GPC5: variants seen among roughly 807,000 people sequenced by gnomAD.
GPC5 encodes glypican-5.
In GPC5, 47 loss-of-function variants were observed where a neutral mutation model predicts 53.9. That is an observed-to-expected ratio of 0.87 (90% CI 0.69 to 1.11). The LOEUF (loss-of-function observed/expected upper bound fraction) is 1.11. Ranked by LOEUF, GPC5 falls within the 50% of genes most tolerant of loss-of-function variation. The probability of loss-of-function intolerance (pLI) is 0.00; values close to 1 mark genes in which losing one functional copy is unlikely to be tolerated. For synonymous variants in GPC5, 286 were observed against 263.3 expected (o/e 1.09, Z -0.84); for missense variants, 748 against 713.1 (o/e 1.05, Z -0.56).
At position 92,250,896 on chromosome 13, in the gene GPC5, G is replaced by T. The variant is rs77638694; in HGVS notation, c.1561+105907G>T. The stretch of plus-strand genomic sequence containing the variant: ...ATTGAAAAAAAAGGATGTTTATACC[G>T]CATGTATGAAAATGAAAGAAATCTG... On this transcript the variant is annotated intron_variant, in intron 7 of 7. Transcript: ENST00000377067. Among the ~76,000 whole-genome samples the T allele has an allele frequency of 6.4e-3, 980 of 152,090 alleles. 5 individuals are homozygous for T. The highest frequency in any genetic ancestry group is 0.022 in the African/African-American group (910 of 41,500).
At chr13:92,027,805 A>G (rs1273609800) in intron 6 of GPC5, among the ~76,000 whole-genome samples, 2 of 152,182 alleles carry the variant, frequency 1.3e-5, no homozygotes, top group Non-Finnish European at 2.9e-5. Context: ...GATAACCAGT[A>G]AGGAGTAGGT....
chr13:92,163,954 G>A (rs537344679), intron 7 of GPC5, among the ~76,000 whole-genome samples: 1 of 152,258 alleles, frequency 6.6e-6, no homozygotes, highest in South Asian at 2.1e-4. Flanking sequence ...AGGAGAGAAT[G>A]AGAGAAGTAC....
At chr13:91,816,970 G>A (rs1379372575) in intron 5 of GPC5, among the ~76,000 whole-genome samples, 1 of 152,184 alleles carries the variant, frequency 6.6e-6, no homozygotes. Context: ...TCTGTACTAA[G>A]AACACGTATT....
chr13:92,179,962 C>G (rs985736564), intron 7 of GPC5, among the ~76,000 whole-genome samples: 13 of 152,306 alleles, frequency 8.5e-5, no homozygotes, highest in Admixed American at 7.2e-4. Flanking sequence ...ACGGTTTTTA[C>G]TGTGGACAAA....
chr13:92,844,787 G>A (rs1393628593), intron 7 of GPC5, among the ~76,000 whole-genome samples: 2 of 152,042 alleles, frequency 1.3e-5, no homozygotes, highest in East Asian at 3.9e-4. Flanking sequence ...ATGGTTCCTG[G>A]AACAATACAG....
At chr13:92,278,239 T>G (rs1464097594) in intron 7 of GPC5, among the ~76,000 whole-genome samples, 3 of 151,968 alleles carry the variant, frequency 2.0e-5, no homozygotes, top group Non-Finnish European at 4.4e-5. Flanking sequence ...TTTTTAGATA[T>G]TCAAACTACT....
intron 7 of GPC5, among the ~76,000 whole-genome samples, chr13:92,766,585 T>C (rs1875414573): frequency 6.6e-6 from 1 of 152,202 alleles, no homozygotes; most frequent in Non-Finnish European, 1.5e-5. Context: ...TTAAGAAAGA[T>C]ATAAGCAGAA....
chr13:92,614,043 T>G (rs1260767868), intron 7 of GPC5, among the ~76,000 whole-genome samples: 2 of 152,100 alleles, frequency 1.3e-5, no homozygotes, highest in East Asian at 3.8e-4. Context: ...TGAAGGGTTC[T>G]GCATGCCTTT....
Position 92,800,456 on chromosome 13 carries a change from T to C in GPC5, c.1562-65826T>C, listed in dbSNP as rs145048513. ...GCATGTCCCAGCAATTCATAAAACA[T>C]GAAAGCTCTGCCCAAACAGTAAGTG... On this transcript the variant is annotated intron_variant, in intron 7 of 7. Coordinates refer to ENST00000377067, the MANE Select transcript of GPC5 (RefSeq NM_004466.6). Among the ~76,000 whole-genome samples the C allele has an allele frequency of 3.3e-5, 5 of 151,984 alleles. 1 individual carries two copies. The highest frequency in any genetic ancestry group is 1.2e-4 in the African/African-American group (5 of 41,520).
chr13:91,837,425 A>C (rs1402169278), intron 5 of GPC5, among the ~76,000 whole-genome samples: 1 of 152,122 alleles, frequency 6.6e-6, no homozygotes, highest in African/African-American at 2.4e-5. Flanking sequence ...TTAATGACCC[A>C]GCTTCTTGTG....
At chr13:92,737,760 C>CT (rs1403603549) in intron 7 of GPC5, among the ~76,000 whole-genome samples, 55 of 62,358 alleles carry the variant, frequency 8.8e-4, no homozygotes, top group East Asian at 1.8e-3. Flanking sequence ...TTTTTTTTTT[C>CT]TTTTTCTTTT....
chr13:91,417,250 GTAGA>G (rs769516763), intron 1 of GPC5, among the ~76,000 whole-genome samples: 1 of 152,198 alleles, frequency 6.6e-6, no homozygotes, highest in Non-Finnish European at 1.5e-5. Context: ...GTGATGTGTA[GTAGA>G]TAGTTAAACA....
At chr13:92,353,276 A>AAAAAAAAAC (rs2043495506) in intron 7 of GPC5, among the ~76,000 whole-genome samples, 1 of 150,364 alleles carries the variant, frequency 6.7e-6, no homozygotes, top group Non-Finnish European at 1.5e-5. Flanking sequence ...CAAAAAAAAA[A>AAAAAAAAAC]AAAAAAAAGA....
At chr13:92,138,357 T>TA (rs1270663013) in intron 6 of GPC5, among the ~76,000 whole-genome samples, 2 of 151,730 alleles carry the variant, frequency 1.3e-5, no homozygotes, top group African/African-American at 4.8e-5. Flanking sequence ...CTGTCTCTAC[T>TA]AAAAATACAA....
intron 5 of GPC5, among the ~76,000 whole-genome samples, chr13:91,831,477 G>C (rs945683518): frequency 6.6e-6 from 1 of 151,872 alleles, no homozygotes; most frequent in Non-Finnish European, 1.5e-5. Context: ...CAATAAAGTT[G>C]ACACTCAGTA....
chr13:92,646,793 TTA>T (rs529294764), intron 7 of GPC5, among the ~76,000 whole-genome samples: 11 of 131,652 alleles, frequency 8.4e-5, no homozygotes, highest in Non-Finnish European at 1.8e-4. Flanking sequence ...GCAAATGGTA[TTA>T]TGTTTTTTAA....
chr13:91,579,275 C>G (rs2032257938), intron 2 of GPC5, among the ~76,000 whole-genome samples: 1 of 152,216 alleles, frequency 6.6e-6, no homozygotes, highest in South Asian at 2.1e-4. Context: ...GTCCTTTCAG[C>G]TGAACATTTG....
chr13:92,754,797 G>A (rs1007161296), intron 7 of GPC5, among the ~76,000 whole-genome samples: 4 of 149,916 alleles, frequency 2.7e-5, no homozygotes, highest in Non-Finnish European at 1.5e-5. Flanking sequence ...AAATATATAT[G>A]CACCCAATAC....
intron 7 of GPC5, among the ~76,000 whole-genome samples, chr13:92,520,364 G>C (rs967042460): frequency 5.3e-5 from 8 of 152,032 alleles, no homozygotes; most frequent in African/African-American, 1.9e-4. Context: ...GATGAACATC[G>C]ATGCAAAAAT....
Sources: allele counts gnomAD v4.1 joint callset (sites outside exome capture counted in the v4.1 genomes callset), GRCh38; gene constraint gnomAD v4.1.1; transcripts MANE v1.5; gene names NCBI Gene and HGNC (gene_info 2026-07-23, HGNC 2026-07-21).